TAF5L: variants seen among roughly 807,000 people sequenced by gnomAD.
TAF5L encodes TAF5-like RNA polymerase II p300/CBP-associated factor-associated factor 65 kDa subunit 5L.
A neutral mutation model predicts 51.3 loss-of-function variants in TAF5L; 7 were observed. The observed-to-expected ratio is 0.14, with a 90% CI of 0.08 to 0.26. The LOEUF (loss-of-function observed/expected upper bound fraction) is 0.26, where lower values mean the gene tolerates loss of function less well. Ranked by LOEUF, TAF5L falls within the 10% of genes least tolerant of loss-of-function variation. TAF5L has a pLI of 1.00. For missense variants in TAF5L, 575 were observed against 758.9 expected, an observed-to-expected ratio of 0.76 and a Z score of 2.85; for synonymous variants, 291 against 308.1, an observed-to-expected ratio of 0.94 and a Z score of 0.58.
At chr1:229,609,186 A>G (rs1664704902) in intron 3 of TAF5L, among the ~76,000 whole-genome samples, 1 of 152,152 alleles carries the variant, frequency 6.6e-6, no homozygotes, top group African/African-American at 2.4e-5. Flanking sequence ...AAAGTAAATC[A>G]CCAAATGTAT....
chr1:229,621,642 T>C (rs887788330), intron 1 of TAF5L, among the ~76,000 whole-genome samples: 9 of 152,158 alleles, frequency 5.9e-5, no homozygotes, highest in South Asian at 2.1e-4. Flanking sequence ...TACCTTACCA[T>C]ACCAATAAGA....
chr1:229,617,144 C>G (rs1004169930), intron 1 of TAF5L, among the ~76,000 whole-genome samples: 1 of 152,064 alleles, frequency 6.6e-6, no homozygotes, highest in Non-Finnish European at 1.5e-5. Flanking sequence ...GTCCCTGCTC[C>G]CATTCTCTGT....
chr1:229,609,764 C>T (rs557025119), intron 3 of TAF5L, among the ~76,000 whole-genome samples: 12 of 152,200 alleles, frequency 7.9e-5, no homozygotes, highest in Non-Finnish European at 2.9e-5. Flanking sequence ...TTATTCAATA[C>T]AAGTCACAAG....
In TAF5L at chr1:229,612,472, T is replaced by C. The variant is rs192606547; in HGVS notation, c.142+1869A>G. ...TACAATGGGACAGAGGCCTTGTAAA[T>C]GGACTCCCCTATTCAAACAATAAGG... is the stretch of plus-strand genomic sequence containing the variant. On this transcript the variant is annotated intron_variant, in intron 2 of 4. Transcript: ENST00000258281. Among the ~76,000 whole-genome samples the C allele has an allele frequency of 5.3e-5, 8 of 152,314 alleles. No homozygotes were observed. The South Asian group carries it at 1.0e-3, about 20-fold the overall frequency.
intron 4 of TAF5L, among the ~76,000 whole-genome samples, chr1:229,598,212 G>A (rs535569790): frequency 6.6e-6 from 1 of 152,236 alleles, no homozygotes; most frequent in South Asian, 2.1e-4. Context: ...GTATGTAACA[G>A]GTTTCATGAA....
chr1:229,622,055 A>ATCTC (rs977590763), intron 1 of TAF5L, among the ~76,000 whole-genome samples: 5 of 151,590 alleles, frequency 3.3e-5, no homozygotes, highest in African/African-American at 1.2e-4. Context: ...CTATCTATCT[A>ATCTC]TCTATCTATC....
intron 2 of TAF5L, among the ~76,000 whole-genome samples, chr1:229,612,658 C>A (rs1308558323): frequency 1.3e-5 from 2 of 152,184 alleles, no homozygotes; most frequent in South Asian, 2.1e-4. Context: ...AAGTCAGGAA[C>A]CACTCCTTTG....
intron 3 of TAF5L, among the ~76,000 whole-genome samples, chr1:229,603,845 A>G (rs1664481532): frequency 6.6e-6 from 1 of 152,260 alleles, no homozygotes; most frequent in African/African-American, 2.4e-5. Context: ...TTTCGATGTG[A>G]TTCATACACA....
At chr1:229,613,601 A>C (rs1664868091) in intron 2 of TAF5L, among the ~76,000 whole-genome samples, 1 of 152,200 alleles carries the variant, frequency 6.6e-6, no homozygotes, top group African/African-American at 2.4e-5. Context: ...TGTATTAGGA[A>C]TTATAAGTAA....
intron 1 of TAF5L, among the ~76,000 whole-genome samples, chr1:229,624,697 G>C (rs1665363351): frequency 6.6e-6 from 1 of 152,076 alleles, no homozygotes; most frequent in South Asian, 2.1e-4. Context: ...ATGGCTACAT[G>C]GTTTCCATCC....
At chr1:229,611,783 T>C (rs143992335) in intron 2 of TAF5L, among the ~76,000 whole-genome samples, 1,574 of 152,334 alleles carry the variant, frequency 0.01, 20 homozygotes, top group Middle Eastern at 0.031. Flanking sequence ...GACTGAGTTT[T>C]CTAAAATTCA....
At chr1:229,622,507 T>C (rs552181773) in intron 1 of TAF5L, among the ~76,000 whole-genome samples, 2 of 152,282 alleles carry the variant, frequency 1.3e-5, no homozygotes, top group Non-Finnish European at 2.9e-5. Flanking sequence ...TGGAATAAAA[T>C]GCCCAACTCT....
intron 3 of TAF5L, among the ~76,000 whole-genome samples, chr1:229,609,224 A>G (rs1252582135): frequency 6.6e-6 from 1 of 152,220 alleles, no homozygotes; most frequent in Non-Finnish European, 1.5e-5. Context: ...ATTCTGACTC[A>G]TGACAGTGAG....
rs561571451 is a variant in TAF5L at position 229,611,601 on chromosome 1, C to T, written c.143-1391G>A. On this transcript the variant is annotated intron_variant, in intron 2 of 4. Transcript: ENST00000258281. ...AGGGACTCCTCCTCCTTCTTCTTGC[C>T]CCCCGCTTAGTTACTCTGTCACTAA... 2.6e-5 allele frequency among the ~76,000 whole-genome samples: 4 copies of T among 152,200 alleles called. No individual in the cohort carries two copies. In the South Asian group the frequency reaches 6.2e-4, roughly 24 times the overall value.
intron 2 of TAF5L, among the ~76,000 whole-genome samples, chr1:229,611,614 A>C (rs1233568562): frequency 2.0e-5 from 3 of 151,862 alleles, no homozygotes; most frequent in Non-Finnish European, 4.4e-5. Context: ...CCGCTTAGTT[A>C]CTCTGTCACT....
Position 229,594,373 on chromosome 1 carries a change from T to A in TAF5L, c.1694A>T (p.Asn565Ile). The change falls in exon 5 of 5, where the codon AAC becomes ATC. Residue 565 changes from asparagine (N) to isoleucine (I), a missense_variant. Transcript: ENST00000258281. The surrounding 1 kb of genome is among the most constrained non-coding windows in gnomAD (Gnocchi z 7.9). Reference sequence around the variant, plus strand: ...GGCCATGAACTGCACGCTCAGGACGTTGCTCATCTGCCCGGTGTACACGCC... The same window carrying A: ...GGCCATGAACTGCACGCTCAGGACGATGCTCATCTGCCCGGTGTACACGCC... The A allele has an allele frequency of 6.2e-7, 1 of 1,614,132 alleles. No individual in the cohort carries two copies. Among genetic ancestry groups the A allele is most frequent in the Non-Finnish European group, 8.5e-7 (1 of 1,180,034 alleles).
chr1:229,616,374 A>ATTTATTTATTATT (rs1665004796), intron 1 of TAF5L, among the ~76,000 whole-genome samples: 4 of 76,020 alleles, frequency 5.3e-5, no homozygotes, highest in African/African-American at 7.7e-5. Context: ...ATTTATTTAT[A>ATTTATTTATTATT]TTTTTTTTTT....
chr1:229,624,321 C>G (rs534692620), intron 1 of TAF5L, among the ~76,000 whole-genome samples: 2 of 152,244 alleles, frequency 1.3e-5, no homozygotes, highest in African/African-American at 4.8e-5. Flanking sequence ...TCAAAACAAG[C>G]CCACCTTTTA....
chr1:229,613,353 AAAGAAGAAG>A (rs371399557), intron 2 of TAF5L, among the ~76,000 whole-genome samples: 3 of 150,606 alleles, frequency 2.0e-5, no homozygotes, highest in Non-Finnish European at 4.4e-5. Flanking sequence ...AAAAAAGAAG[AAAGAAGAAG>A]AAGAAGAAGA....
Sources: gnomAD v4.1 joint callset for allele counts (sites outside exome capture counted in the v4.1 genomes callset) on GRCh38, gnomAD v4.1.1 for gene constraint, Gnocchi (gnomAD v3.1) non-coding constraint, MANE v1.5 for transcripts, NCBI Gene and HGNC (gene_info 2026-07-23, HGNC 2026-07-21) for gene names.